TMEM132D: variants seen among roughly 807,000 people sequenced by gnomAD.
TMEM132D encodes the protein transmembrane protein 132D.
In TMEM132D, 21 loss-of-function variants were observed where a neutral mutation model predicts 62.3. That is an observed-to-expected ratio of 0.34 (90% confidence interval 0.24 to 0.49). TMEM132D has a LOEUF of 0.49. Among genes scored for constraint, TMEM132D ranks in the 20% least tolerant of loss-of-function variants. The pLI is 0.99. For missense variants in TMEM132D, 1,346 were observed against 1,402.8 expected (o/e 0.96, Z 0.65); for synonymous variants, 621 against 575.6 (o/e 1.08, Z -1.13).
At chr12:129,664,560 GACTAC>G (rs1880328419) in intron 2 of TMEM132D, among the ~76,000 whole-genome samples, 1 of 151,282 alleles carries the variant, frequency 6.6e-6, no homozygotes, top group South Asian at 2.1e-4. Context: ...AAGTAGCTGG[GACTAC>G]AGGCACCCGC....
chr12:129,267,262 C>T (rs1032421196), intron 4 of TMEM132D, among the ~76,000 whole-genome samples: 1 of 152,142 alleles, frequency 6.6e-6, no homozygotes, highest in Non-Finnish European at 1.5e-5. Flanking sequence ...TTGCAGATGA[C>T]ATGATTATAT....
At chr12:129,230,450 T>C (rs1486548517) in intron 4 of TMEM132D, among the ~76,000 whole-genome samples, 1 of 152,262 alleles carries the variant, frequency 6.6e-6, no homozygotes, top group East Asian at 1.9e-4. Context: ...ATGAAGATGA[T>C]TATTAGACCC....
intron 4 of TMEM132D, among the ~76,000 whole-genome samples, chr12:129,296,702 A>C (rs1470099289): frequency 2.0e-5 from 3 of 152,346 alleles, no homozygotes; most frequent in South Asian, 2.1e-4. Context: ...ACAGTAGCTC[A>C]GTCTGTGTTT....
intron 5 of TMEM132D, among the ~76,000 whole-genome samples, chr12:129,155,618 T>C (rs1877217604): frequency 6.6e-6 from 1 of 152,218 alleles, no homozygotes; most frequent in African/African-American, 2.4e-5. Flanking sequence ...TGCTGTCATC[T>C]AGCAAGGGCC....
intron 4 of TMEM132D, chr12:129,211,185 C>G (rs532836772): frequency 6.6e-6 from 1 of 152,232 alleles, no homozygotes; most frequent in Non-Finnish European, 1.5e-5. Context: ...AGTTTCAGCT[C>G]ATTACATTCC....
chr12:129,886,078 G>A (rs78406036), intron 1 of TMEM132D, among the ~76,000 whole-genome samples: 4,041 of 152,044 alleles, frequency 0.027, 159 homozygotes, highest in African/African-American at 0.091. Flanking sequence ...AAATTTCTTT[G>A]GATTGGTGTC....
intron 2 of TMEM132D, among the ~76,000 whole-genome samples, chr12:129,569,581 G>A (rs1877456308): frequency 6.6e-6 from 1 of 152,116 alleles, no homozygotes; most frequent in Non-Finnish European, 1.5e-5. Context: ...ATTCAAAGGG[G>A]TAAACACAAT....
intron 3 of TMEM132D, among the ~76,000 whole-genome samples, chr12:129,499,950 G>C (rs564401163): frequency 6.6e-6 from 1 of 151,502 alleles, no homozygotes; most frequent in East Asian, 2.0e-4. Flanking sequence ...CCCTGAGTGG[G>C]GAGGCAATTC....
At chr12:129,349,909 C>T (rs1416767856) in intron 3 of TMEM132D, among the ~76,000 whole-genome samples, 1 of 152,140 alleles carries the variant, frequency 6.6e-6, no homozygotes, top group African/African-American at 2.4e-5. Context: ...ATCTTCAGCC[C>T]TAGGAATTCA....
At chr12:129,822,489 A>T (rs1443718578) in intron 1 of TMEM132D, among the ~76,000 whole-genome samples, 1 of 152,182 alleles carries the variant, frequency 6.6e-6, no homozygotes, top group Non-Finnish European at 1.5e-5. Context: ...CTGAGCTCTG[A>T]CAACACCTAC....
rs192247056 is a variant in TMEM132D, at chr12:129,549,542, A to G, written c.969-18337T>C. Among the ~76,000 whole-genome samples the G allele has an allele frequency of 2.2e-3, 331 of 151,298 alleles. 3 individuals are homozygous for G. Among genetic ancestry groups the G allele is most frequent in the Non-Finnish European group, 1.7e-3 (115 of 67,808 alleles). ...CTGACACCATGTAAGACGTGCCTTT[A>G]CTCCTCCTTTGCCTTCTGCCATGAT... On this transcript the variant is annotated intron_variant, in intron 2 of 8. Coordinates refer to ENST00000422113, the MANE Select transcript of TMEM132D (RefSeq NM_133448.3).
chr12:129,123,789 G>A (rs1052359125), intron 5 of TMEM132D, among the ~76,000 whole-genome samples: 4 of 152,094 alleles, frequency 2.6e-5, no homozygotes, highest in Non-Finnish European at 5.9e-5. Context: ...TGGAGGAAAA[G>A]CTTCTCTCTC....
chr12:129,693,841 C>T lies in TMEM132D; in HGVS notation c.968+5969G>A, dbSNP rs115904939. Among the ~76,000 whole-genome samples, 8 of 152,130 alleles carry T rather than the reference C, an allele frequency of 5.3e-5. No individual in the cohort carries two copies. In the East Asian group the frequency reaches 1.4e-3, roughly 26 times the overall value. On this transcript the variant is annotated intron_variant, in intron 2 of 8. Transcript: ENST00000422113. ...ACGCTAATGAGACATGCGATGTATG[C>T]GACGTATGAACAAGCTTGTGCAGCT...
At chr12:129,438,260 A>G (rs910142785) in intron 3 of TMEM132D, among the ~76,000 whole-genome samples, 2 of 152,136 alleles carry the variant, frequency 1.3e-5, no homozygotes, top group Non-Finnish European at 2.9e-5. Flanking sequence ...TATACCCAGT[A>G]ATGGGATTGT....
intron 1 of TMEM132D, among the ~76,000 whole-genome samples, chr12:129,789,154 G>C (rs1298585964): frequency 6.6e-6 from 1 of 152,054 alleles, no homozygotes; most frequent in Non-Finnish European, 1.5e-5. Context: ...AGATTTGGGT[G>C]CACCCATCAC....
chr12:129,198,930 G>T (rs976522286), intron 5 of TMEM132D, among the ~76,000 whole-genome samples: 1 of 151,678 alleles, frequency 6.6e-6, no homozygotes, highest in Non-Finnish European at 1.5e-5. Context: ...TTTATAATAA[G>T]ATAAAAATTA....
At chr12:129,268,442 G>C (rs1003427850) in intron 4 of TMEM132D, among the ~76,000 whole-genome samples, 4 of 152,306 alleles carry the variant, frequency 2.6e-5, no homozygotes, top group East Asian at 1.9e-4. Flanking sequence ...AAATGCTCAT[G>C]ATCACTGGCC....
chr12:129,681,201 C>A lies in TMEM132D; in HGVS notation c.968+18609G>T, dbSNP rs998311391. Among the ~76,000 whole-genome samples, 18 of 152,304 alleles carry A rather than the reference C, an allele frequency of 1.2e-4. No homozygotes were observed. In the South Asian group the frequency reaches 3.7e-3, roughly 32 times the overall value. On this transcript the variant is annotated intron_variant, in intron 2 of 8. Transcript: ENST00000422113. Reference sequence around the variant, plus strand: ...TCTTGCAAGTGGGGCTGATTAGTGACACTTTTCATGACTACTGTTTATTTA... The same window carrying A: ...TCTTGCAAGTGGGGCTGATTAGTGAAACTTTTCATGACTACTGTTTATTTA...
intron 5 of TMEM132D, among the ~76,000 whole-genome samples, chr12:129,189,407 C>T (rs1192297137): frequency 1.3e-5 from 2 of 152,156 alleles, no homozygotes; most frequent in Non-Finnish European, 2.9e-5. Context: ...GGACCTGGCT[C>T]AGGCCTCAGA....
Sources: gnomAD v4.1 joint callset for allele counts (sites outside exome capture counted in the v4.1 genomes callset) on GRCh38, gnomAD v4.1.1 for gene constraint, MANE v1.5 for transcripts, NCBI Gene and HGNC (gene_info 2026-07-23, HGNC 2026-07-21) for gene names.